The following GBE1 variants were observed in gnomAD, a reference collection of about 807,000 sequenced individuals.
GBE1 encodes the protein 1,4-alpha-glucan-branching enzyme.
GBE1 carries 70 observed loss-of-function variants against 88.8 expected under a neutral mutation model. That is an observed-to-expected ratio of 0.79 (90% CI 0.65 to 0.96). The LOEUF (loss-of-function observed/expected upper bound fraction) is 0.96. Ranked by LOEUF, GBE1 falls within the 40% of genes least tolerant of loss-of-function variation. The pLI is 0.00. For synonymous variants in GBE1, 284 were observed against 300.1 expected (o/e 0.95, Z 0.56); for missense variants, 872 against 871.0 (o/e 1.00, Z -0.01).
chr3:81,637,312 G>A (rs557391457), intron 7 of GBE1, among the ~76,000 whole-genome samples: 2 of 152,206 alleles, frequency 1.3e-5, no homozygotes, highest in East Asian at 3.9e-4. Context: ...AAAAACTTAT[G>A]AAATGCTTAT....
intron 12 of GBE1, among the ~76,000 whole-genome samples, chr3:81,570,612 A>G (rs1207918176): frequency 1.3e-5 from 2 of 152,202 alleles, no homozygotes; most frequent in Admixed American, 6.5e-5. Flanking sequence ...AGACTGGTGT[A>G]ATTGTAACTT....
chr3:81,756,361 T>A (rs961200833), intron 1 of GBE1, among the ~76,000 whole-genome samples: 2 of 152,144 alleles, frequency 1.3e-5, no homozygotes, highest in Non-Finnish European at 2.9e-5. Flanking sequence ...CCAGGTGAAT[T>A]GACCATAGAC....
intron 14 of GBE1, among the ~76,000 whole-genome samples, chr3:81,528,055 A>T (rs548057138): frequency 6.6e-6 from 1 of 152,122 alleles, no homozygotes; most frequent in Non-Finnish European, 1.5e-5. Context: ...TGATGAGTTC[A>T]TGTCCTTTGT....
intron 2 of GBE1, among the ~76,000 whole-genome samples, chr3:81,700,941 T>A (rs1045784465): frequency 6.6e-6 from 1 of 152,196 alleles, no homozygotes; most frequent in African/African-American, 2.4e-5. Context: ...CCAATTATTT[T>A]ATATTGACAT....
At chr3:81,615,888 C>T (rs1417916151) in intron 7 of GBE1, among the ~76,000 whole-genome samples, 2 of 152,130 alleles carry the variant, frequency 1.3e-5, no homozygotes, top group Non-Finnish European at 1.5e-5. Context: ...ATTTTACATG[C>T]ACACCAGGAA....
chr3:81,719,370 C>A (rs1483830820), intron 1 of GBE1, among the ~76,000 whole-genome samples: 20 of 152,098 alleles, frequency 1.3e-4, no homozygotes. Context: ...GCACGTGCCA[C>A]CATGCCCAAC....
At chr3:81,730,076 T>A (rs1706165005) in intron 1 of GBE1, among the ~76,000 whole-genome samples, 1 of 152,108 alleles carries the variant, frequency 6.6e-6, no homozygotes, top group South Asian at 2.1e-4. Context: ...ACTTAACTTA[T>A]CCTTTGTCAA....
chr3:81,748,604 A>G (rs1029848662), intron 1 of GBE1, among the ~76,000 whole-genome samples: 1 of 151,570 alleles, frequency 6.6e-6, no homozygotes, highest in Non-Finnish European at 1.5e-5. Flanking sequence ...GAGCAAGGAG[A>G]CTCTGTCTCA....
intron 14 of GBE1, among the ~76,000 whole-genome samples, chr3:81,531,000 A>G (rs1703004161): frequency 6.6e-6 from 1 of 151,702 alleles, no homozygotes; most frequent in Non-Finnish European, 1.5e-5. Flanking sequence ...ACTTCATGCC[A>G]TATTTTACTG....
intron 3 of GBE1, among the ~76,000 whole-genome samples, chr3:81,653,913 G>A (rs373290157): frequency 1.1e-4 from 16 of 152,032 alleles, no homozygotes; most frequent in African/African-American, 3.1e-4. Flanking sequence ...AAATATAAGC[G>A]GTTTAGTAAG....
chr3:81,632,439 C>T (rs1459896902), intron 7 of GBE1, among the ~76,000 whole-genome samples: 1 of 151,646 alleles, frequency 6.6e-6, no homozygotes, highest in Non-Finnish European at 1.5e-5. Flanking sequence ...TTTATGTGGC[C>T]AACAAAGATG....
chr3:81,511,231 A>C (rs962900508), intron 14 of GBE1, among the ~76,000 whole-genome samples: 1 of 152,072 alleles, frequency 6.6e-6, no homozygotes, highest in Admixed American at 6.6e-5. Flanking sequence ...ACCCTAGAAG[A>C]AAACCTAGGA....
At position 81,733,021 on chromosome 3, in the gene GBE1, G is replaced by T. The variant is rs1429987915; in HGVS notation, c.144-27408C>A. 6.6e-6 allele frequency among the ~76,000 whole-genome samples: 1 copy of T among 152,170 alleles called. No individual in the cohort carries two copies. Among genetic ancestry groups the T allele is most frequent in the Non-Finnish European group, 1.5e-5 (1 of 68,020 alleles). On this transcript the variant is annotated intron_variant, in intron 1 of 15. Coordinates refer to ENST00000429644, the MANE Select transcript of GBE1 (RefSeq NM_000158.4). The surrounding 1 kb of genome is among the most constrained non-coding windows in gnomAD (Gnocchi z 4.0). ...AGGGGTCCCCACCGGTCCATGGCCTGTTAGGAATTGTGTCGCACAGCAGGA... is the reference window on the plus strand; with the variant it reads ...AGGGGTCCCCACCGGTCCATGGCCTTTTAGGAATTGTGTCGCACAGCAGGA...
chr3:81,545,644 G>C (rs1185908235), intron 12 of GBE1, among the ~76,000 whole-genome samples: 1 of 151,454 alleles, frequency 6.6e-6, no homozygotes, highest in African/African-American at 2.4e-5. Flanking sequence ...GTGTATGTGT[G>C]TGCATGCCAG....
At chr3:81,737,387 ATT>A (rs372467618) in intron 1 of GBE1, among the ~76,000 whole-genome samples, 6 of 34,812 alleles carry the variant, frequency 1.7e-4, no homozygotes, top group South Asian at 5.8e-4. Context: ...TTTTATATAT[ATT>A]TATATAAATA....
In GBE1 at chr3:81,577,914, CT is replaced by C; in HGVS notation, c.1618+10del. The C allele has an allele frequency of 6.3e-7, 1 of 1,579,216 alleles. No homozygotes were observed. On this transcript the variant is annotated intron_variant, in intron 12 of 15. Coordinates refer to ENST00000429644, the MANE Select transcript of GBE1 (RefSeq NM_000158.4). ...AAACACAAATTGCATATGTGTTTAA[CT>C]CACACTTACCCATGAAATTGAGATA...
intron 15 of GBE1, among the ~76,000 whole-genome samples, chr3:81,497,099 A>T (rs984484505): frequency 6.6e-6 from 1 of 152,168 alleles, no homozygotes; most frequent in Non-Finnish European, 1.5e-5. Flanking sequence ...CACTGGTGAG[A>T]TCAATTCGAT....
chr3:81,538,951 C>A (rs1368650458), intron 12 of GBE1, among the ~76,000 whole-genome samples: 1 of 152,038 alleles, frequency 6.6e-6, no homozygotes, highest in Non-Finnish European at 1.5e-5. Flanking sequence ...TCCATGGAGA[C>A]TGTCACATCA....
intron 13 of GBE1, 89 bp from the exon 14 acceptor site, chr3:81,535,414 T>C (rs1703062079): frequency 6.4e-6 from 8 of 1,256,906 alleles, no homozygotes; most frequent in Non-Finnish European, 8.7e-6. Flanking sequence ...ATAGTCTGGT[T>C]ATTAAACCAA....
Sources: gnomAD v4.1 joint callset for allele counts (sites outside exome capture counted in the v4.1 genomes callset) on GRCh38, gnomAD v4.1.1 for gene constraint, Gnocchi (gnomAD v3.1) non-coding constraint, MANE v1.5 for transcripts, NCBI Gene and HGNC (gene_info 2026-07-23, HGNC 2026-07-21) for gene names.